Variants in ASAH1 observed in about 807,000 individuals in gnomAD.
The protein encoded by ASAH1 is acid ceramidase.
Under a neutral mutation model 59.5 loss-of-function variants are expected in ASAH1, and 70 were observed. That is an observed-to-expected ratio of 1.18 (90% CI 0.97 to 1.43). The LOEUF is 1.43. ASAH1 is among the 40% of genes most tolerant of loss of function. The pLI is 0.00. For synonymous variants in ASAH1, 213 were observed against 166.5 expected (o/e 1.28, Z -2.15); for missense variants, 660 against 482.5 (o/e 1.37, Z -3.45).
At chr8:18,083,737 G>A (rs548236394) in intron 1 of ASAH1, among the ~76,000 whole-genome samples, 42 of 152,232 alleles carry the variant, frequency 2.8e-4, no homozygotes, top group Admixed American at 5.2e-4. Context: ...TCACACCCAG[G>A]TATCCTGCAG....
intron 13 of ASAH1, 43 bp from the exon 14 acceptor site, chr8:18,057,666 A>G (rs1483819764): frequency 2.9e-6 from 4 of 1,396,678 alleles, no homozygotes; most frequent in African/African-American, 1.4e-5. Flanking sequence ...TTTTCAATTC[A>G]GAGATGTTCT....
chr8:18,071,498 G>A, intron 2 of ASAH1, 108 bp from the exon 3 acceptor site: 1 of 792,504 alleles, frequency 1.3e-6, no homozygotes, highest in Admixed American at 2.1e-5. Context: ...CAGCAGTGTA[G>A]AATTTGGTTA....
At chr8:18,076,834 C>A (rs1800422884) in intron 1 of ASAH1, among the ~76,000 whole-genome samples, 1 of 152,186 alleles carries the variant, frequency 6.6e-6, no homozygotes, top group Non-Finnish European at 1.5e-5. Flanking sequence ...CTTTTGATAA[C>A]ATGGGGAATA....
chr8:18,058,067 T>TCCAATA (rs1456355951), intron 13 of ASAH1: 1 of 154,666 alleles, frequency 6.5e-6, no homozygotes, highest in Non-Finnish European at 1.4e-5. Flanking sequence ...TTAAAGCATT[T>TCCAATA]CCAATACAGT....
chr8:18,060,520 A>G (rs1404480165), intron 10 of ASAH1: 1 of 152,330 alleles, frequency 6.6e-6, no homozygotes, highest in African/African-American at 2.4e-5. Flanking sequence ...CTTAGAGAAC[A>G]GAAAGTAAAC....
At chr8:18,063,949 G>A (rs201845732) in intron 6 of ASAH1, 2 of 179,360 alleles carry the variant, frequency 1.1e-5, no homozygotes, top group East Asian at 1.5e-4. Context: ...TATACCCAGA[G>A]TATAGGTCAA....
intron 2 of ASAH1, chr8:18,073,156 C>T (rs1800244745): frequency 8.1e-6 from 9 of 1,115,380 alleles, no homozygotes; most frequent in Non-Finnish European, 1.0e-5. Flanking sequence ...AAAGCTTAGC[C>T]ATAATTGCAC....
intron 6 of ASAH1, 133 bp downstream of exon 6, chr8:18,064,324 G>T: frequency 2.7e-6 from 2 of 737,710 alleles, no homozygotes; most frequent in Non-Finnish European, 4.6e-6. Flanking sequence ...ATTTTACCAA[G>T]AAATAAAAAG....
chr8:18,074,635 C>T (rs1800315385), intron 2 of ASAH1, among the ~76,000 whole-genome samples: 1 of 152,124 alleles, frequency 6.6e-6, no homozygotes, highest in African/African-American at 2.4e-5. Context: ...CTGTTCTGTA[C>T]ACTCTGAGGG....
chr8:18,084,049 G>A lies in ASAH1; in HGVS notation c.10C>T (p.Arg4Trp), dbSNP rs528669708. The A allele has an allele frequency of 5.0e-6, 8 of 1,598,638 alleles. No homozygotes were observed. The highest frequency in any genetic ancestry group is 2.2e-5 in the East Asian group (1 of 44,854). ...AGGAGGACTAAGGCGACGCAACTCC[G>A]GCCCGGCATCGCTCTAGCAGCCAAC... is the stretch of plus-strand genomic sequence containing the variant. MPG[R>W]SCVALVLLAA... is the part of the protein sequence containing the mutation. Residue 4 changes from arginine (R) to tryptophan (W), a missense_variant, in exon 1 of 14, where the codon CGG (arginine) becomes TGG (tryptophan). Coordinates refer to ENST00000637790, the MANE Select transcript of ASAH1 (RefSeq NM_177924.5).
chr8:18,082,350 C>G (rs1800687704), intron 1 of ASAH1, among the ~76,000 whole-genome samples: 1 of 152,144 alleles, frequency 6.6e-6, no homozygotes, highest in African/African-American at 2.4e-5. Context: ...ACAGCTATCT[C>G]TCAATATTAT....
At chr8:18,060,134 C>G in intron 10 of ASAH1, 1 of 177,610 alleles carries the variant, frequency 5.6e-6, no homozygotes, top group Non-Finnish European at 1.2e-5. Context: ...TAAAGAAAAA[C>G]AAGTATCTAA....
At position 18,069,440 on chromosome 8, in the gene ASAH1, C is replaced by CA. The variant is rs1037642636; in HGVS notation, c.303+351dup. On this transcript the variant is annotated intron_variant, in intron 4 of 13. Transcript: ENST00000637790. ...TGAGTATGTCATTTGCTCATATCTA[C>CA]AAAAAAAAAATCTCTGGATGTCCCT... The CA allele has an allele frequency of 4.7e-3, 996 of 211,774 alleles. 1 individual carries two copies. The highest frequency in any genetic ancestry group is 0.016 in the Middle Eastern group (8 of 500). 13.1% of individuals were successfully genotyped at this position (211,774 alleles called of 1,614,324 possible).
chr8:18,079,992 A>C (rs1433177017), intron 1 of ASAH1, among the ~76,000 whole-genome samples: 1 of 152,220 alleles, frequency 6.6e-6, no homozygotes, highest in African/African-American at 2.4e-5. Flanking sequence ...CATCTATCTC[A>C]TTGGCTGACG....
Position 18,058,828 on chromosome 8 carries a change from A to G in ASAH1, c.1098+7T>C. 6.2e-7 allele frequency: 1 copy of G among 1,606,474 alleles called. No homozygotes were observed. Among genetic ancestry groups the G allele is most frequent in the South Asian group, 1.1e-5 (1 of 90,914 alleles). On this transcript the variant is annotated splice_region_variant and intron_variant, in intron 13 of 13. Coordinates refer to ENST00000637790, the MANE Select transcript of ASAH1 (RefSeq NM_177924.5). ...AAAGGCAAATATACATATAACATTT[A>G]AAATACCTTGTTGAGGACAGGTTTT...
rs3831581 is a variant in ASAH1 at position 18,079,274 on chromosome 8, G to GAA, written c.79-3689_79-3688dup. The stretch of plus-strand genomic sequence containing the variant: ...GGAGACAGAGCAAGACTCCATCTCA[G>GAA]AAAAAAAAAAAAAACAAAAAACTCT... On this transcript the variant is annotated intron_variant, in intron 1 of 13. Transcript: ENST00000637790. Among the ~76,000 whole-genome samples, 634 of 116,738 alleles carry GAA rather than the reference G, an allele frequency of 5.4e-3. 31 individuals carry two copies. Among genetic ancestry groups the GAA allele is most frequent in the African/African-American group, 8.4e-3 (258 of 30,630 alleles). 76.6% of individuals were successfully genotyped at this position (116,738 alleles called of 152,430 possible). A position where few individuals can be genotyped will look rare whatever the true frequency, so the allele number is the denominator to read the frequency against.
intron 5 of ASAH1, 76 bp downstream of exon 5, chr8:18,067,144 T>TATCTAAGACATACAGCACCTGTGCTGTAG: frequency 2.5e-6 from 3 of 1,223,782 alleles, no homozygotes; most frequent in East Asian, 2.5e-5. Context: ...CTGTGCTGTA[T>TATCTAAGACATACAGCACCTGTGCTGTAG]GTATATCACA....
intron 1 of ASAH1, among the ~76,000 whole-genome samples, chr8:18,080,436 C>T (rs746316400): frequency 6.6e-6 from 1 of 152,168 alleles, no homozygotes; most frequent in African/African-American, 2.4e-5. Context: ...CTGCTCCAGT[C>T]GAGGTGACCA....
Position 18,084,087 on chromosome 8 carries a change from A to G in ASAH1, c.-29T>C. ...TCTAGCAGCCAACGCCACTCCCCGG[A>G]CTCCAGCAGAGGCAAAGAAGAGCCG... On this transcript the variant is annotated 5_prime_UTR_variant, in exon 1 of 14. Coordinates refer to ENST00000637790, the MANE Select transcript of ASAH1 (RefSeq NM_177924.5). 1 of 1,597,404 alleles carries G rather than the reference A, an allele frequency of 6.3e-7. No homozygotes were observed.
Sources: gnomAD v4.1 joint callset for allele counts (sites outside exome capture counted in the v4.1 genomes callset) on GRCh38, gnomAD v4.1.1 for gene constraint, MANE v1.5 for transcripts, NCBI Gene and HGNC (gene_info 2026-07-23, HGNC 2026-07-21) for gene names.